Variants in LINGO2 observed in about 807,000 individuals in gnomAD.
LINGO2 encodes the protein leucine rich repeat and Ig domain containing 2.
In LINGO2, 14 loss-of-function variants were observed where a neutral mutation model predicts 30.6. The observed-to-expected ratio is 0.46, with a 90% CI of 0.30 to 0.72. The LOEUF (loss-of-function observed/expected upper bound fraction) is 0.72. LINGO2 is among the 30% of genes least tolerant of loss of function. The pLI, the probability that LINGO2 is intolerant of heterozygous loss-of-function variation, is 0.07. For missense variants in LINGO2, 729 were observed against 751.7 expected (o/e 0.97, Z 0.35); for synonymous variants, 317 against 288.5 (o/e 1.10, Z -1.00).
the LINGO2 span, among the ~76,000 whole-genome samples, chr9:28,689,448 GA>G: frequency 4.8e-5 from 7 of 146,422 alleles, no homozygotes; most frequent in African/African-American, 1.0e-4. Context: ...TAACAAACAT[GA>G]AAAAAAAAAC....
intron 5 of LINGO2, among the ~76,000 whole-genome samples, chr9:28,005,281 G>A (rs919107846): frequency 2.6e-5 from 4 of 152,152 alleles, no homozygotes; most frequent in Admixed American, 2.0e-4. Context: ...TAGAAGTTAA[G>A]ACCATGTGTA....
chr9:28,764,918 A>C, the LINGO2 span, among the ~76,000 whole-genome samples: 1 of 152,018 alleles, frequency 6.6e-6, no homozygotes, highest in African/African-American at 2.4e-5. Flanking sequence ...CAAAAATTAA[A>C]TATCTAAAAA....
intron 1 of LINGO2, among the ~76,000 whole-genome samples, chr9:28,556,316 A>G (rs747302419): frequency 1.1e-4 from 17 of 151,976 alleles, no homozygotes; most frequent in Non-Finnish European, 2.2e-4. Flanking sequence ...TACAAAATCA[A>G]TGTACAAAAT....
At chr9:28,902,017 C>G in the LINGO2 span, among the ~76,000 whole-genome samples, 1 of 152,026 alleles carries the variant, frequency 6.6e-6, no homozygotes, top group Non-Finnish European at 1.5e-5. Context: ...TAGTGAGATA[C>G]TGGCTCTAAA....
intron 1 of LINGO2, among the ~76,000 whole-genome samples, chr9:28,633,706 G>A (rs1053375687): frequency 3.3e-5 from 5 of 152,108 alleles, no homozygotes; most frequent in African/African-American, 4.8e-5. Context: ...GTACTGTGAC[G>A]CTCCTTCCAA....
At chr9:29,039,316 T>C in the LINGO2 span, among the ~76,000 whole-genome samples, 1 of 152,178 alleles carries the variant, frequency 6.6e-6, no homozygotes, top group Non-Finnish European at 1.5e-5. Flanking sequence ...AGTCTTTGTA[T>C]ATATGCATAA....
intron 1 of LINGO2, among the ~76,000 whole-genome samples, chr9:28,478,934 T>G (rs1418600475): frequency 6.6e-6 from 1 of 152,098 alleles, no homozygotes; most frequent in African/African-American, 2.4e-5. Context: ...TGCTTTTTTC[T>G]ATATTTCTGA....
chr9:27,983,656 G>A (rs1378022144), intron 5 of LINGO2, among the ~76,000 whole-genome samples: 2 of 151,928 alleles, frequency 1.3e-5, no homozygotes, highest in East Asian at 3.9e-4. Context: ...GAATCAGAGA[G>A]GTAAAATCAC....
At chr9:28,591,703 G>A (rs567577633) in intron 1 of LINGO2, among the ~76,000 whole-genome samples, 6 of 151,970 alleles carry the variant, frequency 3.9e-5, no homozygotes, top group Non-Finnish European at 7.4e-5. Flanking sequence ...AGGGTGACAG[G>A]GACTTGAGAA....
the LINGO2 span, among the ~76,000 whole-genome samples, chr9:28,769,532 TTTTTTTTTTTTTTA>T: frequency 1.3e-4 from 6 of 47,428 alleles, no homozygotes; most frequent in South Asian, 9.0e-4. Flanking sequence ...TTTTTTTTTT[TTTTTTTTTTTTTTA>T]CCTGAATGTC....
chr9:28,208,377 G>T (rs1478784712), intron 4 of LINGO2, among the ~76,000 whole-genome samples: 3 of 151,972 alleles, frequency 2.0e-5, no homozygotes, highest in African/African-American at 7.2e-5. Flanking sequence ...TTTTTATGAT[G>T]ATATATCTTA....
chr9:29,084,484 G>T, the LINGO2 span, among the ~76,000 whole-genome samples: 2 of 151,996 alleles, frequency 1.3e-5, no homozygotes, highest in Non-Finnish European at 2.9e-5. Context: ...TTTCCATTTT[G>T]CAGGGGATAA....
chr9:28,708,769 C>G, the LINGO2 span, among the ~76,000 whole-genome samples: 10 of 146,650 alleles, frequency 6.8e-5, no homozygotes, highest in Non-Finnish European at 1.5e-4. Context: ...AATTATCTAT[C>G]TATCTATCTA....
chr9:28,473,050 C>G (rs1035755980), intron 2 of LINGO2, among the ~76,000 whole-genome samples: 39 of 152,090 alleles, frequency 2.6e-4, no homozygotes, highest in African/African-American at 9.4e-4. Flanking sequence ...TTTTCCATGT[C>G]AAGTAATTAC....
chr9:28,972,924 G>A, the LINGO2 span, among the ~76,000 whole-genome samples: 7 of 152,180 alleles, frequency 4.6e-5, no homozygotes, highest in African/African-American at 1.7e-4. Context: ...CCCACAACAC[G>A]TGGGGATTAT....
chr9:28,826,163 G>A, the LINGO2 span, among the ~76,000 whole-genome samples: 35 of 152,168 alleles, frequency 2.3e-4, no homozygotes, highest in South Asian at 5.2e-3. Flanking sequence ...GACTGTGAAC[G>A]ACATTCATGG....
chr9:28,811,456 A>T, the LINGO2 span, among the ~76,000 whole-genome samples: 1 of 152,148 alleles, frequency 6.6e-6, no homozygotes, highest in Admixed American at 6.5e-5. Flanking sequence ...AAAATTATCG[A>T]ATATCTTCTT....
At chr9:28,298,440 G>T (rs1824005662) in intron 3 of LINGO2, among the ~76,000 whole-genome samples, 1 of 150,066 alleles carries the variant, frequency 6.7e-6, no homozygotes, top group Non-Finnish European at 1.5e-5. Context: ...CTGAGGGGTG[G>T]ATCACGAGGT....
chr9:28,499,710 G>A (rs1587762310), intron 1 of LINGO2, among the ~76,000 whole-genome samples: 1 of 152,142 alleles, frequency 6.6e-6, no homozygotes. Flanking sequence ...CATAGTGAAT[G>A]TTAAACAAAT....
Sources: allele counts gnomAD v4.1 joint callset (sites outside exome capture counted in the v4.1 genomes callset), GRCh38; gene constraint gnomAD v4.1.1; transcripts MANE v1.5; gene names NCBI Gene and HGNC (gene_info 2026-07-23, HGNC 2026-07-21).